Variants in FSTL1 observed in about 807,000 individuals in gnomAD.
FSTL1 encodes follistatin like 1, also known as follistatin-related protein 1.
Under a neutral mutation model 45.9 loss-of-function variants are expected in FSTL1, and 24 were observed. The ratio of observed to expected loss-of-function variants is 0.52; its 90% CI spans 0.38 to 0.74. FSTL1 has a LOEUF of 0.74. Ranked by LOEUF, FSTL1 falls within the 30% of genes least tolerant of loss-of-function variation. FSTL1 has a pLI of 0.00. For synonymous variants in FSTL1, 120 were observed against 137.6 expected (o/e 0.87, Z 0.89); for missense variants, 340 against 381.8 (o/e 0.89, Z 0.91).
intron 2 of FSTL1, among the ~76,000 whole-genome samples, chr3:120,416,509 G>A (rs1438688700): frequency 2.6e-5 from 4 of 152,200 alleles, no homozygotes; most frequent in Non-Finnish European, 5.9e-5. Flanking sequence ...TTTTTCAAAG[G>A]ATACTTTCTG....
intron 3 of FSTL1, 69 bp from the exon 4 acceptor site, chr3:120,412,052 TACATGCACAC>T: frequency 1.1e-6 from 1 of 950,418 alleles, no homozygotes; most frequent in Non-Finnish European, 1.6e-6. Context: ...CACACACACA[TACATGCACAC>T]ACACACACAG....
intron 6 of FSTL1, among the ~76,000 whole-genome samples, chr3:120,408,092 G>A (rs532739510): frequency 1.3e-5 from 2 of 152,354 alleles, no homozygotes; most frequent in East Asian, 3.9e-4. Context: ...TGCTGTAATT[G>A]CAGGGCAAAG....
In FSTL1 at chr3:120,395,802, A is replaced by C. The variant is rs1275391197; in HGVS notation, c.*1150T>G. The C allele has an allele frequency of 7.9e-5, 39 of 490,740 alleles. No individual in the cohort carries two copies. The highest frequency in any genetic ancestry group is 2.5e-5 in the Non-Finnish European group (6 of 243,384). The allele number at this position is 490,740 out of a possible 1,614,324, so 30.4% of individuals were successfully genotyped here. On this transcript the variant is annotated 3_prime_UTR_variant, in exon 11 of 11. Coordinates refer to ENST00000295633, the MANE Select transcript of FSTL1 (RefSeq NM_007085.5). ...TCTTACCAGCTCACTGAGGAAACTG[A>C]GGTCCAGAAAAAAGAAGAGACAGGG...
chr3:120,395,889 G>GCTTGGCTGCCCTTGTCGCCATC lies in FSTL1; in HGVS notation c.*1041_*1062dup, dbSNP rs1936689171. 2.9e-6 allele frequency: 1 copy of GCTTGGCTGCCCTTGTCGCCATC among 344,166 alleles called. No individual in the cohort carries two copies. The highest frequency in any genetic ancestry group is 4.1e-5 in the Admixed American group (1 of 24,388). The allele number at this position is 344,166 out of a possible 1,614,324, so 21.3% of individuals were successfully genotyped here. On this transcript the variant is annotated 3_prime_UTR_variant, in exon 11 of 11. Coordinates refer to ENST00000295633, the MANE Select transcript of FSTL1 (RefSeq NM_007085.5). ...GGTAGGCTGGGATATCCTAAGCCCT[G>GCTTGGCTGCCCTTGTCGCCATC]CTTGGCTGCCCTTGTCGCCATCCTT...
rs1402124150 is a variant in FSTL1 at position 120,393,447 on chromosome 3, G to T, written c.*3505C>A. ...AGAGGTTTTAACCAGCTAACGTTCA[G>T]CCCACTTGGAACTGTTTACCCCCAT... On this transcript the variant is annotated 3_prime_UTR_variant, in exon 11 of 11. Transcript: ENST00000295633. 1 of 152,194 alleles carries T rather than the reference G, an allele frequency of 6.6e-6. No homozygotes were observed. Among genetic ancestry groups the T allele is most frequent in the Non-Finnish European group, 1.5e-5 (1 of 68,048 alleles). The allele number at this position is 152,194 out of a possible 1,614,324, so 9.4% of individuals were successfully genotyped here. A position where few individuals can be genotyped will look rare whatever the true frequency, so the allele number is the denominator to read the frequency against.
At chr3:120,429,410 G>A (rs2086412468) in intron 2 of FSTL1, among the ~76,000 whole-genome samples, 1 of 152,248 alleles carries the variant, frequency 6.6e-6, no homozygotes, top group Non-Finnish European at 1.5e-5. Context: ...ACATTTGAGA[G>A]TTAAAGGAAA....
Position 120,400,640 on chromosome 3 carries a change from T to C in FSTL1, c.806-681A>G, listed in dbSNP as rs544374906. ...ACTTCTAGGACATATCTTCCAAACATTGCTATCAACCTTCCCTTCACAGCA... is the reference window on the plus strand; with the variant it reads ...ACTTCTAGGACATATCTTCCAAACACTGCTATCAACCTTCCCTTCACAGCA... On this transcript the variant is annotated intron_variant, in intron 9 of 10. Transcript: ENST00000295633. Among the ~76,000 whole-genome samples, 91 of 152,352 alleles carry C rather than the reference T, an allele frequency of 6.0e-4. 1 individual carries two copies. The highest frequency in any genetic ancestry group is 2.0e-3 in the Admixed American group (31 of 15,306).
chr3:120,404,797 C>G (rs1000403177), intron 7 of FSTL1, 56 bp downstream of exon 7: 23 of 922,356 alleles, frequency 2.5e-5, no homozygotes, highest in East Asian at 9.6e-5. Flanking sequence ...TTTAAGTCCC[C>G]TCTCTCAGTT....
At chr3:120,446,005 A>G (rs1937731158) in intron 2 of FSTL1, among the ~76,000 whole-genome samples, 1 of 150,550 alleles carries the variant, frequency 6.6e-6, no homozygotes, top group South Asian at 2.1e-4. Context: ...CTCTGAGGAC[A>G]TTAATCATCT....
At chr3:120,403,930 AAAAAAAAAAAAAAACAAAAACAAAAC>A in intron 7 of FSTL1, among the ~76,000 whole-genome samples, 1 of 129,074 alleles carries the variant, frequency 7.7e-6, no homozygotes, top group African/African-American at 2.9e-5. Context: ...CAAAAAAAAA[AAAAAAAAAAAAAAACAAAAACAAAAC>A]AAAACAAAAA....
At chr3:120,413,140 G>A (rs1937105445) in intron 3 of FSTL1, among the ~76,000 whole-genome samples, 1 of 152,154 alleles carries the variant, frequency 6.6e-6, no homozygotes, top group Admixed American at 6.5e-5. Context: ...TTAAAGGGGA[G>A]AAGCAGGAAG....
At chr3:120,398,442 C>A (rs1936750261) in intron 10 of FSTL1, among the ~76,000 whole-genome samples, 1 of 152,100 alleles carries the variant, frequency 6.6e-6, no homozygotes, top group Non-Finnish European at 1.5e-5. Context: ...ACTGATAGGC[C>A]ACAAATGCCA....
intron 2 of FSTL1, among the ~76,000 whole-genome samples, chr3:120,449,082 G>A (rs1231087786): frequency 6.6e-6 from 1 of 152,154 alleles, no homozygotes; most frequent in Non-Finnish European, 1.5e-5. Flanking sequence ...AGGGGGATAC[G>A]CTCTCAAATG....
chr3:120,426,730 G>A (rs1183682434), intron 2 of FSTL1, among the ~76,000 whole-genome samples: 2 of 152,146 alleles, frequency 1.3e-5, no homozygotes, highest in Non-Finnish European at 2.9e-5. Flanking sequence ...CACTGAGTTG[G>A]ATGCCCGACA....
intron 2 of FSTL1, among the ~76,000 whole-genome samples, chr3:120,429,840 A>T (rs144591286): frequency 1.8e-3 from 275 of 152,224 alleles, no homozygotes; most frequent in African/African-American, 6.6e-3. Flanking sequence ...TACTCCTCTA[A>T]AGAGACAATC....
Position 120,404,867 on chromosome 3 carries a change from G to A in FSTL1, c.567C>T (p.Asn189=), listed in dbSNP as rs148160939. ...INITTYPDQE[N]NKLLRGLCVD... is the part of the protein sequence containing the mutation. ...GTTCCTCTCACCTAAGCAACTTGTTGTTCTCCTGGTCTGGATACGTTGTAA... is the reference window on the plus strand; with the variant it reads ...GTTCCTCTCACCTAAGCAACTTGTTATTCTCCTGGTCTGGATACGTTGTAA... Residue 189 remains asparagine, a synonymous_variant, in exon 7 of 11, where the codon AAC becomes AAT. Coordinates refer to ENST00000295633, the MANE Select transcript of FSTL1 (RefSeq NM_007085.5). 6.4e-7 allele frequency: 1 copy of A among 1,551,370 alleles called. No individual in the cohort carries two copies. The highest frequency in any genetic ancestry group is 1.1e-5 in the South Asian group (1 of 89,824).
At chr3:120,429,811 CA>C (rs1377037250) in intron 2 of FSTL1, among the ~76,000 whole-genome samples, 3 of 152,172 alleles carry the variant, frequency 2.0e-5, no homozygotes, top group Admixed American at 2.0e-4. Flanking sequence ...AAGTCTTGAT[CA>C]TTACAAATCC....
chr3:120,414,419 G>A (rs918693450), intron 3 of FSTL1, among the ~76,000 whole-genome samples: 472 of 152,036 alleles, frequency 3.1e-3, no homozygotes, highest in African/African-American at 0.011. Flanking sequence ...TGTGGGGAGC[G>A]CCTCTGCCCG....
At chr3:120,448,350 A>T (rs1410930391) in intron 2 of FSTL1, among the ~76,000 whole-genome samples, 2 of 152,228 alleles carry the variant, frequency 1.3e-5, no homozygotes, top group African/African-American at 4.8e-5. Context: ...AAATTTAAAC[A>T]GCAAGCACCA....
Sources: gnomAD v4.1 joint callset for allele counts (sites outside exome capture counted in the v4.1 genomes callset) on GRCh38, gnomAD v4.1.1 for gene constraint, MANE v1.5 for transcripts, NCBI Gene and HGNC (gene_info 2026-07-23, HGNC 2026-07-21) for gene names.